ATP9A: variants seen among roughly 807,000 people sequenced by gnomAD.
ATP9A encodes ATPase phospholipid transporting 9A, also known as probable phospholipid-transporting ATPase IIA.
In ATP9A, 52 loss-of-function variants were observed where a neutral mutation model predicts 144.1. The observed-to-expected ratio is 0.36, with a 90% CI of 0.29 to 0.45. The LOEUF is 0.45. ATP9A is among the 20% of genes least tolerant of loss of function. ATP9A has a pLI of 1.00. For missense variants in ATP9A, 947 were observed against 1,392.7 expected (o/e 0.68, Z 5.09); for synonymous variants, 582 against 557.4 (o/e 1.04, Z -0.62).
chr20:51,700,277 T>C (rs1470932314), intron 4 of ATP9A, among the ~76,000 whole-genome samples: 4 of 152,002 alleles, frequency 2.6e-5, no homozygotes, highest in Non-Finnish European at 4.4e-5. Flanking sequence ...TCTCAGCACT[T>C]TGGGAGGCTG....
chr20:51,651,798 G>T (rs1340055751), intron 14 of ATP9A, among the ~76,000 whole-genome samples: 1 of 151,950 alleles, frequency 6.6e-6, no homozygotes, highest in African/African-American at 2.4e-5. Context: ...GCATGGTGGT[G>T]GGCACCTGTA....
chr20:51,626,918 ATGG>A (rs2122730865), intron 17 of ATP9A, among the ~76,000 whole-genome samples: 1 of 152,166 alleles, frequency 6.6e-6, no homozygotes, highest in South Asian at 2.1e-4. Flanking sequence ...TTAGCCGGGC[ATGG>A]TGACGGGCAA....
At chr20:51,615,167 T>G (rs1234212400) in intron 22 of ATP9A, among the ~76,000 whole-genome samples, 3 of 152,058 alleles carry the variant, frequency 2.0e-5, no homozygotes, top group Non-Finnish European at 4.4e-5. Context: ...TCTAAAGAGA[T>G]CCAGCTGAAA....
chr20:51,729,260 CA>C (rs1191419489), intron 2 of ATP9A, among the ~76,000 whole-genome samples: 1 of 152,060 alleles, frequency 6.6e-6, no homozygotes, highest in Non-Finnish European at 1.5e-5. Context: ...CTTAGCACAC[CA>C]AATACATGTG....
At chr20:51,697,254 T>TGC (rs376663194) in intron 5 of ATP9A, among the ~76,000 whole-genome samples, 170 bp downstream of exon 5, 84 of 151,884 alleles carry the variant, frequency 5.5e-4, no homozygotes, top group African/African-American at 2.0e-3. Flanking sequence ...TGTGTGTCTG[T>TGC]GTGTGTGTGT....
chr20:51,609,388 C>G (rs1435075508), intron 24 of ATP9A, among the ~76,000 whole-genome samples: 2 of 152,142 alleles, frequency 1.3e-5, no homozygotes, highest in Non-Finnish European at 2.9e-5. Context: ...GTGAGACTCT[C>G]CAGAGCGCAG....
intron 1 of ATP9A, among the ~76,000 whole-genome samples, chr20:51,736,325 A>G (rs2077762480): frequency 6.6e-6 from 1 of 152,008 alleles, no homozygotes; most frequent in Non-Finnish European, 1.5e-5. Flanking sequence ...AGTGTGGATC[A>G]TTTGAAGGTT....
intron 13 of ATP9A, among the ~76,000 whole-genome samples, chr20:51,660,341 T>C (rs2077405741): frequency 6.6e-6 from 1 of 152,238 alleles, no homozygotes; most frequent in Admixed American, 6.5e-5. Flanking sequence ...CTTCCACTAA[T>C]ATTTCAAACA....
intron 19 of ATP9A, among the ~76,000 whole-genome samples, chr20:51,621,291 T>A (rs1324266049): frequency 6.6e-6 from 1 of 152,164 alleles, no homozygotes; most frequent in Non-Finnish European, 1.5e-5. Context: ...TGACTGTACC[T>A]GCCTCTATAC....
chr20:51,676,236 AAG>A, intron 9 of ATP9A, 28 bp from the exon 10 acceptor site: 1 of 1,534,800 alleles, frequency 6.5e-7, no homozygotes, highest in Non-Finnish European at 8.9e-7. Flanking sequence ...AAAAAAAAAA[AAG>A]AAAAGAAATA....
intron 1 of ATP9A, among the ~76,000 whole-genome samples, chr20:51,763,745 C>T (rs1055569985): frequency 6.6e-6 from 1 of 151,918 alleles, no homozygotes; most frequent in African/African-American, 2.4e-5. Context: ...CTTCCTAGTC[C>T]CCCAAATCCA....
At chr20:51,676,821 G>A (rs891816347) in intron 9 of ATP9A, among the ~76,000 whole-genome samples, 1 of 151,250 alleles carries the variant, frequency 6.6e-6, no homozygotes, top group African/African-American at 2.4e-5. Context: ...TCACCACGTT[G>A]GCCAGGCTGG....
chr20:51,757,651 T>A (rs2077862220), intron 1 of ATP9A, among the ~76,000 whole-genome samples: 1 of 152,148 alleles, frequency 6.6e-6, no homozygotes, highest in Non-Finnish European at 1.5e-5. Context: ...CTGCCTGTAG[T>A]CCCAGCACTT....
chr20:51,708,372 T>TA lies in ATP9A; in HGVS notation c.436+4593dup, dbSNP rs920468733. On this transcript the variant is annotated intron_variant, in intron 4 of 27. Transcript: ENST00000338821. ...GAAAACTAAAACAAAGCAACAACAATAAAAAAACCTGTCATCCATTTTTCC... is the reference window on the plus strand; with the variant it reads ...GAAAACTAAAACAAAGCAACAACAATAAAAAAAACCTGTCATCCATTTTTCC... 1.4e-3 allele frequency among the ~76,000 whole-genome samples: 205 copies of TA among 151,616 alleles called. 1 individual carries two copies. The highest frequency in any genetic ancestry group is 4.8e-3 in the African/African-American group (200 of 41,334).
At chr20:51,607,614 C>T (rs763951428) in intron 25 of ATP9A, 30 bp from the exon 26 acceptor site, 21 of 1,577,756 alleles carry the variant, frequency 1.3e-5, no homozygotes, top group East Asian at 2.2e-5. Context: ...AGGTTAGAGC[C>T]GGTTTCGCGG....
At chr20:51,766,018 C>T (rs931275131) in intron 1 of ATP9A, among the ~76,000 whole-genome samples, 1 of 152,176 alleles carries the variant, frequency 6.6e-6, no homozygotes, top group African/African-American at 2.4e-5. Context: ...TGCTCCATTC[C>T]AACGCAACCT....
chr20:51,708,868 A>G (rs1460487196), intron 4 of ATP9A, among the ~76,000 whole-genome samples: 1 of 152,240 alleles, frequency 6.6e-6, no homozygotes, highest in Non-Finnish European at 1.5e-5. Flanking sequence ...AGATCACGAA[A>G]GACAAAGAAA....
chr20:51,675,929 CAT>C (rs1355290100), intron 10 of ATP9A, among the ~76,000 whole-genome samples: 3 of 148,128 alleles, frequency 2.0e-5, no homozygotes, highest in Non-Finnish European at 4.5e-5. Flanking sequence ...TATCCACAAA[CAT>C]GTAACTACAT....
At chr20:51,634,815 A>G (rs1000263014) in intron 15 of ATP9A, among the ~76,000 whole-genome samples, 43 of 144,058 alleles carry the variant, frequency 3.0e-4, no homozygotes, top group African/African-American at 1.0e-3. Flanking sequence ...AGATCACGCC[A>G]TTGCACTCCA....
Sources: gnomAD v4.1 joint callset for allele counts (sites outside exome capture counted in the v4.1 genomes callset) on GRCh38, gnomAD v4.1.1 for gene constraint, MANE v1.5 for transcripts, NCBI Gene and HGNC (gene_info 2026-07-23, HGNC 2026-07-21) for gene names.